Variants in RAPGEF2 observed in about 807,000 individuals in gnomAD.
The protein encoded by RAPGEF2 is PDZ domain containing guanine nucleotide exchange factor (GEF) 1.
Under a neutral mutation model 186.7 loss-of-function variants are expected in RAPGEF2, and 54 were observed. The ratio of observed to expected loss-of-function variants is 0.29; its 90% CI spans 0.23 to 0.36. The LOEUF is 0.36. Ranked by LOEUF, RAPGEF2 falls within the 10% of genes least tolerant of loss-of-function variation. The pLI, the probability that RAPGEF2 is intolerant of heterozygous loss-of-function variation, is 1.00. For synonymous variants in RAPGEF2, 712 were observed against 705.9 expected, an observed-to-expected ratio of 1.01 and a Z score of -0.14; for missense variants, 1,532 against 2,045.0, an observed-to-expected ratio of 0.75 and a Z score of 4.84.
intron 11 of RAPGEF2, chr4:159,328,427 A>G (rs1009339139): frequency 7.9e-5 from 12 of 152,196 alleles, no homozygotes; most frequent in African/African-American, 2.9e-4. Context: ...AAAAAAGCCT[A>G]TATCTTTTGA....
intron 7 of RAPGEF2, among the ~76,000 whole-genome samples, chr4:159,252,327 G>A (rs1453087332): frequency 6.6e-6 from 1 of 152,198 alleles, no homozygotes; most frequent in Non-Finnish European, 1.5e-5. Flanking sequence ...TGGGATTATA[G>A]GCGCCTGGCC....
chr4:159,268,520 A>G (rs892609655), intron 7 of RAPGEF2, among the ~76,000 whole-genome samples: 1 of 152,220 alleles, frequency 6.6e-6, no homozygotes, highest in Non-Finnish European at 1.5e-5. Flanking sequence ...GTACTTGAAT[A>G]GTTTTCAAAA....
At chr4:159,222,583 G>C (rs1297645065) in intron 4 of RAPGEF2, among the ~76,000 whole-genome samples, 1 of 152,170 alleles carries the variant, frequency 6.6e-6, no homozygotes, top group African/African-American at 2.4e-5. Flanking sequence ...AAATGTTTCA[G>C]TTGGTTACCC....
chr4:159,134,489 T>C (rs779751184), intron 1 of RAPGEF2, among the ~76,000 whole-genome samples: 6 of 152,244 alleles, frequency 3.9e-5, no homozygotes, highest in Non-Finnish European at 5.9e-5. Flanking sequence ...TCTTGATAGA[T>C]ACTTAAATGT....
intron 4 of RAPGEF2, among the ~76,000 whole-genome samples, chr4:159,222,983 C>T (rs533829396): frequency 1.3e-5 from 2 of 151,766 alleles, no homozygotes; most frequent in South Asian, 4.2e-4. Flanking sequence ...TGACTTTATT[C>T]TGTATTATGT....
At chr4:159,111,085 G>A (rs971463401) in intron 1 of RAPGEF2, among the ~76,000 whole-genome samples, 3 of 151,444 alleles carry the variant, frequency 2.0e-5, no homozygotes, top group Admixed American at 1.3e-4. Context: ...TTTAAGAAGC[G>A]TGTGTTTCTT....
chr4:159,146,361 CTT>C (rs75242947), intron 1 of RAPGEF2, among the ~76,000 whole-genome samples: 6 of 137,856 alleles, frequency 4.4e-5, no homozygotes, highest in African/African-American at 5.3e-5. Context: ...AAGCTTTTTT[CTT>C]TTTTTTTTTT....
rs755779265 is a variant in RAPGEF2, at chr4:159,200,445, G to A, written c.197+7189G>A. On this transcript the variant is annotated intron_variant, in intron 3 of 29. Coordinates refer to ENST00000691494, the MANE Select transcript of RAPGEF2 (RefSeq NM_001394067.2). The stretch of plus-strand genomic sequence containing the variant: ...AGTGCACCACCGCACTCTGGCCTGG[G>A]TGACAGTGAGACTTTGTCTCAAAAA... Among the ~76,000 whole-genome samples, 90 of 152,142 alleles carry A rather than the reference G, an allele frequency of 5.9e-4. 1 individual carries two copies. The Middle Eastern group carries it at 0.01, about 17-fold the overall frequency.
chr4:159,156,686 G>A (rs1027692360), intron 1 of RAPGEF2, among the ~76,000 whole-genome samples: 8 of 152,100 alleles, frequency 5.3e-5, no homozygotes, highest in Non-Finnish European at 1.2e-4. Flanking sequence ...TCCCCGCCCT[G>A]TATCCAAGTG....
chr4:159,280,378 C>T (rs549762164), intron 7 of RAPGEF2, among the ~76,000 whole-genome samples: 8 of 152,220 alleles, frequency 5.3e-5, no homozygotes, highest in African/African-American at 1.9e-4. Flanking sequence ...TTAACCTAGC[C>T]ACAACGGAGC....
intron 6 of RAPGEF2, among the ~76,000 whole-genome samples, chr4:159,242,004 C>T (rs925497690): frequency 2.0e-5 from 3 of 151,868 alleles, no homozygotes; most frequent in African/African-American, 7.2e-5. Flanking sequence ...TTCAAAGATC[C>T]TCTTAAAGGC....
chr4:159,258,698 A>G (rs533372648), intron 7 of RAPGEF2, among the ~76,000 whole-genome samples: 1 of 152,312 alleles, frequency 6.6e-6, no homozygotes, highest in South Asian at 2.1e-4. Flanking sequence ...AGCAGATAGT[A>G]TCTTTATGCC....
chr4:159,210,472 A>G (rs1561089905), intron 3 of RAPGEF2, 28 bp from the exon 4 acceptor site: 3 of 1,442,940 alleles, frequency 2.1e-6, no homozygotes, highest in African/African-American at 1.4e-5. Flanking sequence ...ATAGGTAACA[A>G]TCTGATTCTG....
intron 3 of RAPGEF2, among the ~76,000 whole-genome samples, chr4:159,206,631 C>T (rs961320753): frequency 2.0e-5 from 3 of 152,188 alleles, no homozygotes; most frequent in Non-Finnish European, 4.4e-5. Flanking sequence ...GAAGTGTTTG[C>T]AGACCTTGAA....
intron 8 of RAPGEF2, among the ~76,000 whole-genome samples, chr4:159,306,071 TA>T (rs1226270255): frequency 2.3e-4 from 35 of 151,958 alleles, no homozygotes; most frequent in Non-Finnish European, 1.5e-5. Flanking sequence ...CCTTGTAGTA[TA>T]ATTTGTTCTT....
intron 7 of RAPGEF2, among the ~76,000 whole-genome samples, chr4:159,275,870 G>A (rs914168932): frequency 1.3e-5 from 2 of 152,084 alleles, no homozygotes; most frequent in African/African-American, 2.4e-5. Context: ...AAAAAAAAAC[G>A]GGTAACCCAG....
intron 1 of RAPGEF2, among the ~76,000 whole-genome samples, chr4:159,156,352 T>G (rs1744115689): frequency 6.6e-6 from 1 of 152,222 alleles, no homozygotes; most frequent in Non-Finnish European, 1.5e-5. Flanking sequence ...CTTTGAACAA[T>G]TTTTATAACA....
intron 7 of RAPGEF2, among the ~76,000 whole-genome samples, chr4:159,294,779 A>G (rs1372977145): frequency 6.6e-6 from 1 of 151,306 alleles, no homozygotes; most frequent in African/African-American, 2.4e-5. Context: ...CCCAGTGCAA[A>G]CTCTGCCTCC....
At chr4:159,143,055 C>T (rs559713268) in intron 1 of RAPGEF2, among the ~76,000 whole-genome samples, 24 of 152,220 alleles carry the variant, frequency 1.6e-4, no homozygotes, top group African/African-American at 5.3e-4. Context: ...TAATAAACTT[C>T]CTTGAGTAAT....
Sources: allele counts gnomAD v4.1 joint callset (sites outside exome capture counted in the v4.1 genomes callset), GRCh38; gene constraint gnomAD v4.1.1; transcripts MANE v1.5; gene names NCBI Gene and HGNC (gene_info 2026-07-23, HGNC 2026-07-21).